TMEM169: variants seen among roughly 807,000 people sequenced by gnomAD.
TMEM169 encodes transmembrane protein 169.
TMEM169 carries 18 observed loss-of-function variants against 27.3 expected under a neutral mutation model. The observed-to-expected ratio is 0.66, with a 90% confidence interval of 0.46 to 0.98. The LOEUF is 0.98. Among genes scored for constraint, TMEM169 ranks in the 50% least tolerant of loss-of-function variants. TMEM169 has a pLI of 0.00. For missense variants in TMEM169, 320 were observed against 368.6 expected, an observed-to-expected ratio of 0.87 and a Z score of 1.08; for synonymous variants, 136 against 142.1, an observed-to-expected ratio of 0.96 and a Z score of 0.30.
chr2:216,092,192 T>C (rs1696149859), intron 1 of TMEM169, among the ~76,000 whole-genome samples: 2 of 152,206 alleles, frequency 1.3e-5, no homozygotes, highest in Admixed American at 6.5e-5. Flanking sequence ...GATGACCATG[T>C]TTATCTTTTA....
At chr2:216,088,463 C>T (rs1013472753) in intron 1 of TMEM169, among the ~76,000 whole-genome samples, 1 of 152,156 alleles carries the variant, frequency 6.6e-6, no homozygotes, top group African/African-American at 2.4e-5. Context: ...GACTCCGTCT[C>T]AAAACAAACA....
intron 1 of TMEM169, among the ~76,000 whole-genome samples, chr2:216,092,438 G>A (rs561590827): frequency 6.6e-5 from 10 of 151,898 alleles, no homozygotes; most frequent in African/African-American, 2.2e-4. Context: ...ATGAGCCACC[G>A]CACTTGGCCA....
Position 216,100,535 on chromosome 2 carries a change from C to A in TMEM169, c.887C>A (p.Thr296Lys). The A allele has an allele frequency of 6.2e-7, 1 of 1,614,056 alleles. No homozygotes were observed. Among genetic ancestry groups the A allele is most frequent in the Non-Finnish European group, 8.5e-7 (1 of 1,180,008 alleles). The change falls in exon 3 of 3, where the codon ACG (threonine) becomes AAG (lysine). Residue 296 changes from threonine to lysine, a missense_variant. Physicochemically the swap from Thr to Lys is moderately conservative, Grantham distance 78 (BLOSUM62 -1). Transcript: ENST00000437356. Reference protein sequence around the residue: ...KDPIQEVETSTV With the variant: ...KDPIQEVETSKV ...CCCATCCAAGAAGTAGAAACCTCCA[C>A]GGTCTAAACTCCCAACAACTTACTC...
intron 1 of TMEM169, among the ~76,000 whole-genome samples, chr2:216,088,577 T>C (rs573226836): frequency 2.6e-5 from 4 of 152,366 alleles, no homozygotes; most frequent in African/African-American, 4.8e-5. Context: ...TGCACATGAC[T>C]GTAGTCCCAG....
rs1696405693 is a variant in TMEM169, at chr2:216,101,928, T to G, written c.*1386T>G. The G allele has an allele frequency of 6.6e-6, 1 of 152,226 alleles. No homozygotes were observed. Among genetic ancestry groups the G allele is most frequent in the African/African-American group, 2.4e-5 (1 of 41,448 alleles). 9.4% of individuals were successfully genotyped at this position (152,226 alleles called of 1,614,324 possible). Reference sequence around the variant, plus strand: ...CTGAATCTTACACAGAGAATTTATATATAGATATTAGCTACATATACTTTG... The same window carrying G: ...CTGAATCTTACACAGAGAATTTATAGATAGATATTAGCTACATATACTTTG... On this transcript the variant is annotated 3_prime_UTR_variant, in exon 3 of 3. Transcript: ENST00000437356.
intron 1 of TMEM169, among the ~76,000 whole-genome samples, chr2:216,093,482 CT>C: frequency 6.6e-6 from 1 of 152,264 alleles, no homozygotes; most frequent in Non-Finnish European, 1.5e-5. Context: ...CATTCTGCCC[CT>C]AGTACACCCC....
chr2:216,090,497 C>T (rs916109751), intron 1 of TMEM169, among the ~76,000 whole-genome samples: 5 of 152,176 alleles, frequency 3.3e-5, no homozygotes, highest in Non-Finnish European at 7.3e-5. Context: ...GACTGCAGCC[C>T]TGACATCTTT....
At chr2:216,088,570 A>T (rs1696060395) in intron 1 of TMEM169, among the ~76,000 whole-genome samples, 1 of 152,102 alleles carries the variant, frequency 6.6e-6, no homozygotes, top group African/African-American at 2.4e-5. Context: ...GCACAGTTGC[A>T]CATGACTGTA....
chr2:216,081,924 C>G lies in TMEM169; in HGVS notation c.-182C>G, dbSNP rs958877200. On this transcript the variant is annotated 5_prime_UTR_variant, in exon 1 of 3. Coordinates refer to ENST00000437356, the MANE Select transcript of TMEM169 (RefSeq NM_001142311.2). Reference sequence around the variant, plus strand: ...AAGCCGCATCCTCCCGGAGCAGAACCGCTCCCCGCCGGCTGTCCGCAACCT... The same window carrying G: ...AAGCCGCATCCTCCCGGAGCAGAACGGCTCCCCGCCGGCTGTCCGCAACCT... 1.3e-5 allele frequency: 8 copies of G among 634,414 alleles called. No individual in the cohort carries two copies. The highest frequency in any genetic ancestry group is 1.9e-5 in the African/African-American group (1 of 51,924). 39.3% of individuals were successfully genotyped at this position (634,414 alleles called of 1,614,324 possible). A position where few individuals can be genotyped will look rare whatever the true frequency, so the allele number is the denominator to read the frequency against.
rs558913576 is a variant in TMEM169, at chr2:216,097,712, CT to C, written c.271+1480del. Among the ~76,000 whole-genome samples, 13 of 152,282 alleles carry C rather than the reference CT, an allele frequency of 8.5e-5. No individual in the cohort carries two copies. The South Asian group carries it at 2.7e-3, about 32-fold the overall frequency. ...ATTTCTCTGCTCTCCTGCAGTTGAC[CT>C]TCAGGGAAAGACAGATAGTGAACAA... On this transcript the variant is annotated intron_variant, in intron 2 of 2. Transcript: ENST00000437356.
rs541335948 is a variant in TMEM169 at position 216,100,833 on chromosome 2, G to A, written c.*291G>A. On this transcript the variant is annotated 3_prime_UTR_variant, in exon 3 of 3. Coordinates refer to ENST00000437356, the MANE Select transcript of TMEM169 (RefSeq NM_001142311.2). Reference sequence around the variant, plus strand: ...TGTGTGTCGTTTTGGGAGCCTGGAAGTGTTACTGGTGCCTGGAACTGAGGG... The same window carrying A: ...TGTGTGTCGTTTTGGGAGCCTGGAAATGTTACTGGTGCCTGGAACTGAGGG... 1.2e-5 allele frequency: 5 copies of A among 432,808 alleles called. No homozygotes were observed. The highest frequency in any genetic ancestry group is 1.0e-4 in the African/African-American group (5 of 49,562). The allele number at this position is 432,808 out of a possible 1,614,324, so 26.8% of individuals were successfully genotyped here. A position where few individuals can be genotyped will look rare whatever the true frequency, so the allele number is the denominator to read the frequency against.
At chr2:216,084,454 A>G (rs535592657) in intron 1 of TMEM169, among the ~76,000 whole-genome samples, 47 of 152,188 alleles carry the variant, frequency 3.1e-4, no homozygotes, top group Non-Finnish European at 6.0e-4. Flanking sequence ...AGTTGCTACC[A>G]CTTCACCCAG....
chr2:216,084,248 T>C (rs1340569181), intron 1 of TMEM169, among the ~76,000 whole-genome samples: 1 of 151,746 alleles, frequency 6.6e-6, no homozygotes, highest in Non-Finnish European at 1.5e-5. Context: ...GACAGGGGCT[T>C]GTGGGATTCT....
chr2:216,087,338 G>A (rs956005093), intron 1 of TMEM169, among the ~76,000 whole-genome samples: 81 of 152,310 alleles, frequency 5.3e-4, no homozygotes, highest in African/African-American at 1.9e-3. Context: ...AAAAATGGTA[G>A]AGGAATGTCT....
intron 1 of TMEM169, 91 bp from the exon 2 acceptor site, chr2:216,095,747 G>C (rs6729423): frequency 2.0e-6 from 1 of 500,504 alleles, no homozygotes; most frequent in Non-Finnish European, 3.5e-6. Context: ...GGGAGAGGAA[G>C]GCTTCTGCTA....
intron 1 of TMEM169, among the ~76,000 whole-genome samples, chr2:216,089,538 C>A (rs144650792): frequency 0.027 from 4,058 of 152,292 alleles, 210 homozygotes; most frequent in African/African-American, 0.092. Flanking sequence ...CTCACTGCAA[C>A]CTCCACCTCC....
At chr2:216,091,943 C>A (rs1367500194) in intron 1 of TMEM169, among the ~76,000 whole-genome samples, 2 of 152,148 alleles carry the variant, frequency 1.3e-5, no homozygotes, top group Non-Finnish European at 2.9e-5. Flanking sequence ...ATGAGGAAAT[C>A]ATGTTTCAAG....
chr2:216,089,174 A>G (rs1696073100), intron 1 of TMEM169, among the ~76,000 whole-genome samples: 1 of 152,226 alleles, frequency 6.6e-6, no homozygotes, highest in Non-Finnish European at 1.5e-5. Context: ...GAATGAGAGT[A>G]GAAAGTTAAA....
At chr2:216,091,153 T>C (rs1330835172) in intron 1 of TMEM169, among the ~76,000 whole-genome samples, 1 of 152,236 alleles carries the variant, frequency 6.6e-6, no homozygotes, top group African/African-American at 2.4e-5. Flanking sequence ...AGTGTTATGG[T>C]ATGGTTTGTT....
Sources: allele counts gnomAD v4.1 joint callset (sites outside exome capture counted in the v4.1 genomes callset), GRCh38; gene constraint gnomAD v4.1.1; transcripts MANE v1.5; gene names NCBI Gene and HGNC (gene_info 2026-07-23, HGNC 2026-07-21).